Variants in SGCZ observed in about 807,000 individuals in gnomAD.
SGCZ encodes the protein sarcoglycan zeta.
In SGCZ, 40 loss-of-function variants were observed where a neutral mutation model predicts 41.3. The observed-to-expected ratio is 0.97, with a 90% CI of 0.75 to 1.26. The LOEUF is 1.26. SGCZ is among the 50% of genes most tolerant of loss of function. SGCZ has a pLI of 0.00. For missense variants in SGCZ, 552 were observed against 369.8 expected, an observed-to-expected ratio of 1.49 and a Z score of -4.04; for synonymous variants, 206 against 137.5, an observed-to-expected ratio of 1.50 and a Z score of -3.49.
chr8:14,803,519 A>T (rs1158529118), intron 1 of SGCZ, among the ~76,000 whole-genome samples: 1 of 152,086 alleles, frequency 6.6e-6, no homozygotes, highest in Non-Finnish European at 1.5e-5. Flanking sequence ...CGCTTTTCCG[A>T]TGGGCTTAAA....
chr8:14,173,041 C>A (rs1383199221), intron 4 of SGCZ, among the ~76,000 whole-genome samples: 1 of 152,006 alleles, frequency 6.6e-6, no homozygotes, highest in African/African-American at 2.4e-5. Flanking sequence ...CCCTGAGTGC[C>A]ACAGTTTAGA....
At chr8:14,720,143 G>C (rs543730054) in intron 1 of SGCZ, among the ~76,000 whole-genome samples, 26 of 151,720 alleles carry the variant, frequency 1.7e-4, no homozygotes, top group Non-Finnish European at 2.8e-4. Flanking sequence ...CAGACTATCT[G>C]ATCTTGGCCA....
intron 2 of SGCZ, among the ~76,000 whole-genome samples, chr8:14,355,528 G>C (rs1312321796): frequency 6.6e-6 from 1 of 151,806 alleles, no homozygotes; most frequent in Admixed American, 6.6e-5. Context: ...CACTTAATCT[G>C]ACTTAACTTG....
At chr8:15,058,204 T>C (rs1170879824) in intron 1 of SGCZ, among the ~76,000 whole-genome samples, 1 of 152,186 alleles carries the variant, frequency 6.6e-6, no homozygotes, top group Non-Finnish European at 1.5e-5. Flanking sequence ...ATAAGTCTTT[T>C]TTTAAAAGGG....
Position 14,718,385 on chromosome 8 carries a change from AAGAG to A in SGCZ, c.40-163463_40-163460del, listed in dbSNP as rs762347760. On this transcript the variant is annotated intron_variant, in intron 1 of 7. Transcript: ENST00000382080. ...CAGAAAGCAAAATGTCACTAAAAAA[AAGAG>A]AGAAACCAATATTATCTATATACGA... Among the ~76,000 whole-genome samples, 35 of 152,248 alleles carry A rather than the reference AAGAG, an allele frequency of 2.3e-4. No homozygotes were observed. In the East Asian group the frequency reaches 5.0e-3, roughly 22 times the overall value.
intron 1 of SGCZ, among the ~76,000 whole-genome samples, chr8:15,007,412 T>G (rs1218036821): frequency 6.6e-6 from 1 of 152,222 alleles, no homozygotes; most frequent in African/African-American, 2.4e-5. Context: ...TGTAGTTCTC[T>G]AAAACTCTGA....
At chr8:14,945,643 A>C (rs896307906) in intron 1 of SGCZ, among the ~76,000 whole-genome samples, 2 of 151,784 alleles carry the variant, frequency 1.3e-5, no homozygotes, top group East Asian at 3.9e-4. Flanking sequence ...GTGAGTTGCC[A>C]GACTGAGGGG....
chr8:15,237,613 G>T lies in SGCZ; in HGVS notation c.11C>A (p.Ser4Ter), dbSNP rs373385786. ...GAGCTCCTCAATGTCCAGGTTCGTTGATCTGTCCATGGAGCGCAACTAAAC... is the reference window on the plus strand; with the variant it reads ...GAGCTCCTCAATGTCCAGGTTCGTTTATCTGTCCATGGAGCGCAACTAAAC... MDR[S>*]TNLDIEELKM... is the part of the protein sequence containing the mutation. The change falls in exon 1 of 8, where the codon TCA (serine) becomes TAA (stop). Residue 4 changes from serine to a stop codon, truncating the protein, a stop_gained. Coordinates refer to ENST00000382080, the MANE Select transcript of SGCZ (RefSeq NM_139167.4). LOFTEE classifies it high-confidence loss of function. The T allele has an allele frequency of 1.3e-6, 2 of 1,588,168 alleles. No homozygotes were observed. The highest frequency in any genetic ancestry group is 8.6e-7 in the Non-Finnish European group (1 of 1,165,352).
intron 2 of SGCZ, among the ~76,000 whole-genome samples, chr8:14,538,368 G>C (rs1277523802): frequency 1.3e-5 from 2 of 151,886 alleles, no homozygotes; most frequent in Non-Finnish European, 2.9e-5. Flanking sequence ...CTACAGTCAA[G>C]TGGGAATGAA....
At chr8:15,005,124 GT>G (rs1434859061) in intron 1 of SGCZ, among the ~76,000 whole-genome samples, 47 of 152,240 alleles carry the variant, frequency 3.1e-4, no homozygotes, top group African/African-American at 1.1e-3. Flanking sequence ...CGGCTAGTAA[GT>G]TACTCATGGG....
At position 15,237,763 on chromosome 8, in the gene SGCZ, C is replaced by A; in HGVS notation, c.-140G>T. ...CTCTCAGTCTCATTCTCCGTGGTCA[C>A]GCCGCCTCCACCGGGTTAAAAATAA... On this transcript the variant is annotated 5_prime_UTR_variant, in exon 1 of 8. Transcript: ENST00000382080. 2.8e-6 allele frequency: 2 copies of A among 710,866 alleles called. No individual in the cohort carries two copies. The allele number at this position is 710,866 out of a possible 1,614,324, so 44.0% of individuals were successfully genotyped here. A position where few individuals can be genotyped will look rare whatever the true frequency, so the allele number is the denominator to read the frequency against.
chr8:14,955,997 A>C (rs1800779756), intron 1 of SGCZ, among the ~76,000 whole-genome samples: 1 of 150,690 alleles, frequency 6.6e-6, no homozygotes, highest in Non-Finnish European at 1.5e-5. Flanking sequence ...ATGCAATCGA[A>C]ATTTATTTTT....
At chr8:14,393,480 C>T (rs761340723) in intron 2 of SGCZ, among the ~76,000 whole-genome samples, 4 of 152,038 alleles carry the variant, frequency 2.6e-5, no homozygotes, top group African/African-American at 4.8e-5. Flanking sequence ...TACGGTGGGG[C>T]GACCAACCTT....
intron 3 of SGCZ, among the ~76,000 whole-genome samples, chr8:14,312,542 C>T (rs923896937): frequency 2.0e-5 from 3 of 152,034 alleles, no homozygotes; most frequent in African/African-American, 4.8e-5. Flanking sequence ...CTGCTTGAGG[C>T]CAGGAACTTG....
intron 1 of SGCZ, among the ~76,000 whole-genome samples, chr8:14,860,644 AAGAC>A (rs1397777348): frequency 3.3e-5 from 5 of 151,394 alleles, no homozygotes; most frequent in Admixed American, 6.6e-5. Flanking sequence ...AGAGAAAGAA[AAGAC>A]AGAAAAAGAA....
chr8:15,198,746 A>G (rs913787693), intron 1 of SGCZ, among the ~76,000 whole-genome samples: 1 of 152,184 alleles, frequency 6.6e-6, no homozygotes, highest in African/African-American at 2.4e-5. Context: ...GGCATAGCTA[A>G]ATACACAATA....
intron 1 of SGCZ, among the ~76,000 whole-genome samples, chr8:14,931,528 G>T (rs764134535): frequency 6.6e-6 from 1 of 152,038 alleles, no homozygotes; most frequent in Non-Finnish European, 1.5e-5. Flanking sequence ...AAAATGACAT[G>T]CAGCATAACC....
chr8:14,798,575 A>T lies in SGCZ; in HGVS notation c.40-243649T>A, dbSNP rs1214610949. Among the ~76,000 whole-genome samples the T allele has an allele frequency of 9.2e-5, 14 of 152,194 alleles. 1 individual carries two copies. The highest frequency in any genetic ancestry group is 9.2e-4 in the Admixed American group (14 of 15,276). Reference sequence around the variant, plus strand: ...AAATATTAGTGCCAAACACTTTGGAAATGCTTCAGCACTTTATACTGTACT... The same window carrying T: ...AAATATTAGTGCCAAACACTTTGGATATGCTTCAGCACTTTATACTGTACT... On this transcript the variant is annotated intron_variant, in intron 1 of 7. Transcript: ENST00000382080.
intron 1 of SGCZ, among the ~76,000 whole-genome samples, chr8:14,922,792 G>A (rs1799630627): frequency 6.6e-6 from 1 of 152,148 alleles, no homozygotes; most frequent in South Asian, 2.1e-4. Flanking sequence ...ACATATTAGA[G>A]ATGGAGACCA....
Sources: allele counts gnomAD v4.1 joint callset (sites outside exome capture counted in the v4.1 genomes callset), GRCh38; gene constraint gnomAD v4.1.1; transcripts MANE v1.5; gene names NCBI Gene and HGNC (gene_info 2026-07-23, HGNC 2026-07-21).